CNBD1: variants seen among roughly 807,000 people sequenced by gnomAD.
CNBD1 encodes the protein cyclic nucleotide-binding domain-containing protein 1.
A neutral mutation model predicts 54.4 loss-of-function variants in CNBD1; 71 were observed. The observed-to-expected ratio is 1.30, with a 90% confidence interval of 1.08 to 1.59. The LOEUF is 1.59. CNBD1 is among the 40% of genes most tolerant of loss of function. The pLI is 0.00. For synonymous variants in CNBD1, 182 were observed against 170.7 expected (o/e 1.07, Z -0.51); for missense variants, 659 against 518.0 (o/e 1.27, Z -2.64).
intron 8 of CNBD1, among the ~76,000 whole-genome samples, chr8:87,321,452 C>T (rs901156806): frequency 1.3e-5 from 2 of 152,162 alleles, no homozygotes; most frequent in African/African-American, 4.8e-5. Flanking sequence ...ATTAGTGATA[C>T]TGAACATCTT....
chr8:87,075,907 T>C (rs923472055), intron 4 of CNBD1, among the ~76,000 whole-genome samples: 4 of 152,236 alleles, frequency 2.6e-5, no homozygotes, highest in Non-Finnish European at 5.9e-5. Flanking sequence ...AATATTATTA[T>C]CTTTTTATTT....
intron 4 of CNBD1, among the ~76,000 whole-genome samples, chr8:87,123,750 A>G (rs567298879): frequency 6.6e-6 from 1 of 151,832 alleles, no homozygotes; most frequent in East Asian, 1.9e-4. Flanking sequence ...AAAGGTAAAC[A>G]ATATGGACAA....
At chr8:87,137,114 T>TTTATATTCTATGTAAATTATA (rs1563482913) in intron 4 of CNBD1, among the ~76,000 whole-genome samples, 2 of 62,006 alleles carry the variant, frequency 3.2e-5, no homozygotes, top group Non-Finnish European at 6.0e-5. Context: ...ATTATATATA[T>TTTATATTCTATGTAAATTATA]TATATTTTTA....
chr8:87,422,236 C>A (rs571263188), intron 2 of CNBD1, among the ~76,000 whole-genome samples: 2 of 146,080 alleles, frequency 1.4e-5, no homozygotes, highest in African/African-American at 5.3e-5. Context: ...CCTGTTCACT[C>A]TGATGGTAGT....
intron 6 of CNBD1, among the ~76,000 whole-genome samples, chr8:87,255,972 AATATATATATATATATATATAT>A (rs1164599078): frequency 1.1e-3 from 19 of 16,940 alleles, no homozygotes; most frequent in African/African-American, 3.4e-3. Flanking sequence ...TGCAGCTACA[AATATATATATATATATATATAT>A]ATATATATAT....
intron 2 of CNBD1, among the ~76,000 whole-genome samples, chr8:87,408,098 G>A (rs150681784): frequency 0.013 from 1,984 of 151,650 alleles, 18 homozygotes; most frequent in Non-Finnish European, 0.022. Context: ...ATTCTTCTTC[G>A]TTGATTATCT....
In CNBD1 at chr8:86,901,327, C is replaced by A. The variant is rs565215803; in HGVS notation, c.159-3754C>A. 2.6e-5 allele frequency among the ~76,000 whole-genome samples: 4 copies of A among 151,424 alleles called. No homozygotes were observed. The East Asian group carries it at 7.8e-4, about 30-fold the overall frequency. On this transcript the variant is annotated intron_variant, in intron 2 of 10. Transcript: ENST00000518476. ...TGTAGATGCTATGATATTTGTAAGA[C>A]AAATTCAGGAGGAAACAATATATAA... is the stretch of plus-strand genomic sequence containing the variant.
At chr8:87,368,290 A>G (rs1054790250) in intron 10 of CNBD1, among the ~76,000 whole-genome samples, 1 of 152,052 alleles carries the variant, frequency 6.6e-6, no homozygotes, top group Admixed American at 6.6e-5. Context: ...ATATATCCCA[A>G]TAAATCTTAA....
chr8:87,087,175 C>CA (rs59439868), intron 4 of CNBD1, among the ~76,000 whole-genome samples: 29,822 of 113,354 alleles, frequency 0.26, 3,926 homozygotes, highest in Middle Eastern at 0.37. Flanking sequence ...ATGTATGAGG[C>CA]AAAAAAAAAA....
chr8:87,353,786 G>A lies in CNBD1; in HGVS notation c.1303G>A (p.Val435Met). 6.3e-7 allele frequency: 1 copy of A among 1,592,920 alleles called. No individual in the cohort carries two copies. The highest frequency in any genetic ancestry group is 8.5e-7 in the Non-Finnish European group (1 of 1,171,138). Residue 435 changes from valine (V) to methionine (M), a missense_variant and splice_region_variant, in exon 10 of 11, where the codon GTG becomes ATG. Physicochemically the swap from Val to Met is conservative, Grantham distance 21. Transcript: ENST00000518476. ...AATCATTGAAGATAAGGACCTATTTGGTAAATGCATAAATATCTTTTAACT... is the reference window on the plus strand; with the variant it reads ...AATCATTGAAGATAAGGACCTATTTAGTAAATGCATAAATATCTTTTAACT... ...MAIIEDKDLF[V>M]A
chr8:87,374,659 A>T (rs1810888695), intron 10 of CNBD1, among the ~76,000 whole-genome samples: 1 of 151,824 alleles, frequency 6.6e-6, no homozygotes, highest in Non-Finnish European at 1.5e-5. Flanking sequence ...TCTGGTTAAT[A>T]GAATAGAGGG....
chr8:87,342,755 G>T (rs1255746201), intron 8 of CNBD1, among the ~76,000 whole-genome samples: 4 of 152,130 alleles, frequency 2.6e-5, no homozygotes, highest in African/African-American at 9.7e-5. Flanking sequence ...CGAACAGGGA[G>T]TAGGTCACAA....
intron 10 of CNBD1, among the ~76,000 whole-genome samples, chr8:87,361,113 G>T (rs1011400526): frequency 6.6e-6 from 1 of 151,808 alleles, no homozygotes; most frequent in Non-Finnish European, 1.5e-5. Context: ...TTGCGTTTTT[G>T]CATTGTGATT....
intron 4 of CNBD1, among the ~76,000 whole-genome samples, chr8:87,159,733 C>T (rs1278478827): frequency 6.6e-6 from 1 of 152,134 alleles, no homozygotes; most frequent in Non-Finnish European, 1.5e-5. Context: ...CCCTGGAAAG[C>T]ATCCTGGCTG....
rs768863848 is a variant in CNBD1, at chr8:87,355,522, A to G, written c.1303+1736A>G. The stretch of plus-strand genomic sequence containing the variant: ...GCCACCTGTATTCAGCCCTCCAAAT[A>G]CTATAAATACTCAAATTGGAAATAC... On this transcript the variant is annotated intron_variant, in intron 10 of 10. Coordinates refer to ENST00000518476, the MANE Select transcript of CNBD1 (RefSeq NM_173538.3). Among the ~76,000 whole-genome samples, 9 of 152,172 alleles carry G rather than the reference A, an allele frequency of 5.9e-5. No homozygotes were observed. The East Asian group carries it at 7.7e-4, about 13-fold the overall frequency.
intron 4 of CNBD1, among the ~76,000 whole-genome samples, chr8:86,980,797 T>C (rs577364099): frequency 5.3e-5 from 8 of 152,356 alleles, no homozygotes; most frequent in African/African-American, 1.7e-4. Context: ...TTATTATTTT[T>C]ACCATTTTAA....
chr8:87,224,929 T>G (rs1266435572), intron 5 of CNBD1, among the ~76,000 whole-genome samples: 1 of 152,164 alleles, frequency 6.6e-6, no homozygotes, highest in African/African-American at 2.4e-5. Flanking sequence ...TGAGCAGTGG[T>G]TTGTAATTCT....
intron 4 of CNBD1, among the ~76,000 whole-genome samples, chr8:87,095,944 C>T (rs1053430379): frequency 6.6e-6 from 1 of 152,210 alleles, no homozygotes; most frequent in Non-Finnish European, 1.5e-5. Context: ...AGGCATGAGC[C>T]ACAACGCCCG....
chr8:87,372,111 T>C (rs556483655), intron 10 of CNBD1, among the ~76,000 whole-genome samples: 7 of 152,080 alleles, frequency 4.6e-5, no homozygotes, highest in Non-Finnish European at 1.0e-4. Flanking sequence ...CCCAAAATCT[T>C]CTTAAGCTGA....
Sources: gnomAD v4.1 joint callset for allele counts (sites outside exome capture counted in the v4.1 genomes callset) on GRCh38, gnomAD v4.1.1 for gene constraint, MANE v1.5 for transcripts, NCBI Gene and HGNC (gene_info 2026-07-23, HGNC 2026-07-21) for gene names.